The following KBTBD12 variants were observed in gnomAD, a reference collection of about 807,000 sequenced individuals.
The protein encoded by KBTBD12 is kelch repeat and BTB domain-containing protein 12.
In KBTBD12, 53 loss-of-function variants were observed where a neutral mutation model predicts 58.7. The ratio of observed to expected loss-of-function variants is 0.90; its 90% CI spans 0.72 to 1.14. The LOEUF (loss-of-function observed/expected upper bound fraction) is 1.14, where lower values mean the gene tolerates loss of function less well. Among genes scored for constraint, KBTBD12 ranks in the 50% most tolerant of loss-of-function variants. The pLI, the probability that KBTBD12 is intolerant of heterozygous loss-of-function variation, is 0.00. For synonymous variants in KBTBD12, 236 were observed against 259.8 expected (o/e 0.91, Z 0.88); for missense variants, 704 against 751.3 (o/e 0.94, Z 0.74).
At chr3:127,935,228 G>A (rs1304332795) in intron 4 of KBTBD12, among the ~76,000 whole-genome samples, 1 of 152,104 alleles carries the variant, frequency 6.6e-6, no homozygotes, top group Non-Finnish European at 1.5e-5. Flanking sequence ...CCATCATTAA[G>A]TTGGGGACCA....
At chr3:127,965,184 G>T (rs1414438528) in intron 5 of KBTBD12, among the ~76,000 whole-genome samples, 1 of 152,190 alleles carries the variant, frequency 6.6e-6, no homozygotes, top group Non-Finnish European at 1.5e-5. Context: ...ATTCTGTTTT[G>T]TCTTGCTTCT....
At position 127,927,926 on chromosome 3, in the gene KBTBD12, A is replaced by G. The variant is rs774338222; in HGVS notation, c.1233A>G (p.Val411=). The G allele has an allele frequency of 3.1e-6, 5 of 1,613,592 alleles. No homozygotes were observed. The Admixed American group carries it at 8.3e-5, about 27-fold the overall frequency. Residue 411 remains valine (V), a synonymous_variant, in exon 3 of 6, where the codon GTA becomes GTG. Transcript: ENST00000405109. ...LITNCVDKYS[V]ERDNWKRVSP... is the part of the protein sequence containing the mutation. ...CAAACTGTGTTGATAAGTACTCTGT[A>G]GAACGGGACAATTGGAAAAGGGTGT...
At position 127,984,284 on chromosome 3, in the gene KBTBD12, C is replaced by A; in HGVS notation, c.*6C>A. ...AAGAAGGCAATGAGCACTAAGGTGACCTTGCTGGAGGACCTCCTGCTGTTC... is the reference window on the plus strand; with the variant it reads ...AAGAAGGCAATGAGCACTAAGGTGAACTTGCTGGAGGACCTCCTGCTGTTC... On this transcript the variant is annotated 3_prime_UTR_variant, in exon 6 of 6. Coordinates refer to ENST00000405109, the MANE Select transcript of KBTBD12 (RefSeq NM_207335.4). 1.2e-6 allele frequency: 2 copies of A among 1,610,994 alleles called. No individual in the cohort carries two copies. The highest frequency in any genetic ancestry group is 1.7e-5 in the Admixed American group (1 of 59,486).
At chr3:127,944,973 C>G (rs535711961) in intron 4 of KBTBD12, among the ~76,000 whole-genome samples, 6 of 151,744 alleles carry the variant, frequency 4.0e-5, no homozygotes, top group African/African-American at 9.7e-5. Context: ...CTCAACCTCC[C>G]AGGCTCAGGT....
chr3:127,937,032 A>G (rs191506879), intron 4 of KBTBD12, among the ~76,000 whole-genome samples: 158 of 152,294 alleles, frequency 1.0e-3, no homozygotes, highest in African/African-American at 3.7e-3. Flanking sequence ...TGGAAAAAGC[A>G]AATTCACATT....
chr3:127,963,436 A>G, intron 5 of KBTBD12, 50 bp downstream of exon 5: 1 of 1,440,020 alleles, frequency 6.9e-7, no homozygotes, highest in Non-Finnish European at 9.4e-7. Context: ...TGTTGATTTG[A>G]CTTTCTTTAA....
chr3:127,966,828 G>T (rs1187693994), intron 5 of KBTBD12, among the ~76,000 whole-genome samples: 1 of 151,872 alleles, frequency 6.6e-6, no homozygotes, highest in Non-Finnish European at 1.5e-5. Context: ...AGAACACTGG[G>T]GAAAAAAATA....
rs959162821 is a variant in KBTBD12, at chr3:127,963,481, C to T, written c.1690+95C>T. ...TCACCACTAATATTCCTGAGAGCAA[C>T]GTGAGCACTGCAAAAGCATGGCTTT... is the stretch of plus-strand genomic sequence containing the variant. On this transcript the variant is annotated intron_variant, in intron 5 of 5. Coordinates refer to ENST00000405109, the MANE Select transcript of KBTBD12 (RefSeq NM_207335.4). 4.5e-5 allele frequency: 52 copies of T among 1,168,236 alleles called. 1 individual carries two copies. The highest frequency in any genetic ancestry group is 1.1e-4 in the Admixed American group (4 of 35,764). 72.4% of individuals were successfully genotyped at this position (1,168,236 alleles called of 1,614,324 possible).
At chr3:127,917,126 G>C (rs974524309) in intron 1 of KBTBD12, among the ~76,000 whole-genome samples, 1 of 152,156 alleles carries the variant, frequency 6.6e-6, no homozygotes, top group Non-Finnish European at 1.5e-5. Context: ...GTGCAATTCT[G>C]ACACCATCTA....
At chr3:127,938,116 C>G (rs1257383507) in intron 4 of KBTBD12, among the ~76,000 whole-genome samples, 1 of 151,776 alleles carries the variant, frequency 6.6e-6, no homozygotes, top group East Asian at 1.9e-4. Flanking sequence ...AAATGAAGAG[C>G]AAAGAATGTG....
chr3:127,948,106 A>G (rs1222022129), intron 4 of KBTBD12, among the ~76,000 whole-genome samples: 2 of 152,256 alleles, frequency 1.3e-5, no homozygotes, highest in African/African-American at 4.8e-5. Flanking sequence ...GGGAAAAAGG[A>G]AAAGAATGGA....
chr3:127,955,478 T>G (rs1288271611), intron 4 of KBTBD12, among the ~76,000 whole-genome samples: 1 of 152,222 alleles, frequency 6.6e-6, no homozygotes. Flanking sequence ...TTTATTGTGG[T>G]AAGATTTTAC....
At chr3:127,937,513 T>C (rs1170123412) in intron 4 of KBTBD12, among the ~76,000 whole-genome samples, 2 of 152,044 alleles carry the variant, frequency 1.3e-5, no homozygotes, top group African/African-American at 4.8e-5. Context: ...TTGCCCAGAG[T>C]GCATCACAAA....
intron 4 of KBTBD12, among the ~76,000 whole-genome samples, chr3:127,950,026 T>A (rs1033781841): frequency 6.6e-6 from 1 of 152,220 alleles, no homozygotes. Context: ...TCTCAGAGTA[T>A]GAGAATTTAA....
chr3:127,987,584 A>G lies in KBTBD12; in HGVS notation c.*3306A>G, dbSNP rs953012443. 4.6e-5 allele frequency: 7 copies of G among 152,270 alleles called. No individual in the cohort carries two copies. The highest frequency in any genetic ancestry group is 1.7e-4 in the African/African-American group (7 of 41,472). The allele number at this position is 152,270 out of a possible 1,614,324, so 9.4% of individuals were successfully genotyped here. A position where few individuals can be genotyped will look rare whatever the true frequency, so the allele number is the denominator to read the frequency against. On this transcript the variant is annotated 3_prime_UTR_variant, in exon 6 of 6. Coordinates refer to ENST00000405109, the MANE Select transcript of KBTBD12 (RefSeq NM_207335.4). ...ACCACAGCCTGCCCCAGTGTGTTCA[A>G]CACGGTGGCATTGTTCTCCCTGACT...
chr3:127,940,948 A>T (rs1268010024), intron 4 of KBTBD12, among the ~76,000 whole-genome samples: 1 of 152,202 alleles, frequency 6.6e-6, no homozygotes, highest in Admixed American at 6.5e-5. Context: ...ACATTTGACA[A>T]CTTAGATGAA....
chr3:127,942,795 G>T (rs1015647613), intron 4 of KBTBD12, among the ~76,000 whole-genome samples: 8 of 151,520 alleles, frequency 5.3e-5, no homozygotes, highest in Admixed American at 5.3e-4. Flanking sequence ...GGTTTATTTA[G>T]CTCATGGTTC....
At chr3:127,972,474 C>T (rs1464364405) in intron 5 of KBTBD12, among the ~76,000 whole-genome samples, 1 of 152,162 alleles carries the variant, frequency 6.6e-6, no homozygotes, top group Non-Finnish European at 1.5e-5. Context: ...GAATGCCTTT[C>T]TAGGTAGTAA....
intron 4 of KBTBD12, among the ~76,000 whole-genome samples, chr3:127,940,541 A>G (rs1939928169): frequency 6.6e-6 from 1 of 152,192 alleles, no homozygotes; most frequent in Non-Finnish European, 1.5e-5. Context: ...TGGAAACACA[A>G]CATATCAAAG....
Sources: gnomAD v4.1 joint callset for allele counts (sites outside exome capture counted in the v4.1 genomes callset) on GRCh38, gnomAD v4.1.1 for gene constraint, MANE v1.5 for transcripts, NCBI Gene and HGNC (gene_info 2026-07-23, HGNC 2026-07-21) for gene names.